Variants in FNBP1 observed in about 807,000 individuals in gnomAD.
FNBP1 encodes formin binding protein 1, also known as formin-binding protein 1.
FNBP1 carries 26 observed loss-of-function variants against 90.6 expected under a neutral mutation model. The ratio of observed to expected loss-of-function variants is 0.29; its 90% confidence interval spans 0.21 to 0.40. FNBP1 has a LOEUF of 0.40. Ranked by LOEUF, FNBP1 falls within the 10% of genes least tolerant of loss-of-function variation. FNBP1 has a pLI of 1.00. For synonymous variants in FNBP1, 260 were observed against 265.2 expected (o/e 0.98, Z 0.19); for missense variants, 635 against 768.0 (o/e 0.83, Z 2.05).
chr9:129,892,947 A>G (rs1482422852), intron 16 of FNBP1, among the ~76,000 whole-genome samples: 1 of 152,192 alleles, frequency 6.6e-6, no homozygotes, highest in Non-Finnish European at 1.5e-5. Context: ...TTAAATTTGA[A>G]TAACGAAATA....
Position 129,890,132 on chromosome 9 carries a change from C to CG in FNBP1, c.*406_*407insC. ...GTCCGCCTGATGTGCGCTGGACCTG[C>CG]CTTGTCTCCTCAGGGGACCCGTGAT... On this transcript the variant is annotated 3_prime_UTR_variant, in exon 17 of 17. Coordinates refer to ENST00000446176, the MANE Select transcript of FNBP1 (RefSeq NM_015033.3). The surrounding 1 kb of genome is among the most constrained non-coding windows in gnomAD (Gnocchi z 5.8). 3.1e-6 allele frequency: 1 copy of CG among 325,942 alleles called. No homozygotes were observed. Among genetic ancestry groups the CG allele is most frequent in the Non-Finnish European group, 5.7e-6 (1 of 175,314 alleles). The allele number at this position is 325,942 out of a possible 1,614,324, so 20.2% of individuals were successfully genotyped here.
chr9:129,966,878 C>T lies in FNBP1; in HGVS notation c.346-8325G>A, dbSNP rs1037493211. ...AAGGGAGAGCTGGTGGTGGCTCTGA[C>T]ATGGAGATGGACAGTTGGACCACTG... is the stretch of plus-strand genomic sequence containing the variant. On this transcript the variant is annotated intron_variant, in intron 4 of 16. Coordinates refer to ENST00000446176, the MANE Select transcript of FNBP1 (RefSeq NM_015033.3). The surrounding 1 kb of genome is among the most constrained non-coding windows in gnomAD (Gnocchi z 4.3). 6.6e-6 allele frequency among the ~76,000 whole-genome samples: 1 copy of T among 152,150 alleles called. No individual in the cohort carries two copies. Among genetic ancestry groups the T allele is most frequent in the Non-Finnish European group, 1.5e-5 (1 of 68,034 alleles).
At chr9:129,978,744 T>C in intron 3 of FNBP1, 132 bp from the exon 4 acceptor site, 1 of 822,324 alleles carries the variant, frequency 1.2e-6, no homozygotes, top group Non-Finnish European at 1.9e-6. Flanking sequence ...TGAGTATTCA[T>C]TACACATCAA....
intron 6 of FNBP1, among the ~76,000 whole-genome samples, chr9:129,940,001 G>A (rs2044092050): frequency 6.6e-6 from 1 of 152,024 alleles, no homozygotes; most frequent in South Asian, 2.1e-4. Context: ...AGGAGTTCGA[G>A]ACCAGCCTAG....
chr9:130,016,250 T>C (rs1201780085), intron 1 of FNBP1, among the ~76,000 whole-genome samples: 2 of 152,274 alleles, frequency 1.3e-5, no homozygotes, highest in Middle Eastern at 3.4e-3. Flanking sequence ...TGGGAGGTGA[T>C]TAGGTCATGA....
chr9:129,940,295 A>G (rs2044135085), intron 6 of FNBP1, among the ~76,000 whole-genome samples: 1 of 152,208 alleles, frequency 6.6e-6, no homozygotes, highest in East Asian at 1.9e-4. Flanking sequence ...AAGGAATCAT[A>G]AGAAAATAAT....
intron 1 of FNBP1, among the ~76,000 whole-genome samples, chr9:130,003,923 C>CAAAAAAAA (rs545865153): frequency 0.017 from 1,846 of 110,286 alleles, 138 homozygotes; most frequent in African/African-American, 0.04. Flanking sequence ...GACTCCGCCT[C>CAAAAAAAA]AAAAAAAAAA....
intron 6 of FNBP1, among the ~76,000 whole-genome samples, chr9:129,935,485 CTT>C (rs2043289946): frequency 6.6e-6 from 1 of 151,198 alleles, no homozygotes; most frequent in African/African-American, 2.4e-5. Context: ...TTTTTCTTTT[CTT>C]TTCTTTTCTT....
At position 129,979,389 on chromosome 9, in the gene FNBP1, C is replaced by G. The variant is rs1413667619; in HGVS notation, c.141-15G>C. The G allele has an allele frequency of 6.4e-7, 1 of 1,562,788 alleles. No individual in the cohort carries two copies. The highest frequency in any genetic ancestry group is 1.7e-5 in the Admixed American group (1 of 58,888). On this transcript the variant is annotated splice_polypyrimidine_tract_variant and intron_variant, in intron 2 of 16. Coordinates refer to ENST00000446176, the MANE Select transcript of FNBP1 (RefSeq NM_015033.3). ...TTGAAAGATTCCTGAAATAAAAATG[C>G]AGACATGTCAGCTTTATATAGAAAG... is the stretch of plus-strand genomic sequence containing the variant.
intron 1 of FNBP1, among the ~76,000 whole-genome samples, chr9:130,039,770 A>G (rs2059662529): frequency 6.6e-6 from 1 of 152,180 alleles, no homozygotes; most frequent in Non-Finnish European, 1.5e-5. Context: ...TCCCTCTACA[A>G]AGCAGGATGT....
chr9:129,902,237 G>A (rs1336496268), intron 13 of FNBP1, among the ~76,000 whole-genome samples: 4 of 152,084 alleles, frequency 2.6e-5, no homozygotes, highest in Middle Eastern at 3.4e-3. Flanking sequence ...CTGGGATAAC[G>A]GATCGCTCTA....
intron 1 of FNBP1, among the ~76,000 whole-genome samples, chr9:130,032,017 C>T (rs79035011): frequency 0.053 from 8,063 of 152,052 alleles, 227 homozygotes; most frequent in Middle Eastern, 0.095. Flanking sequence ...GTTATAAACA[C>T]TGAGCACTAC....
At position 129,900,334 on chromosome 9, in the gene FNBP1, G is replaced by A; in HGVS notation, c.1550+92C>T. Reference sequence around the variant, plus strand: ...ACAGACATTTTGGCATTGAACAAGTGCCTTATGGTCATTCCAGATTCCAAA... The same window carrying A: ...ACAGACATTTTGGCATTGAACAAGTACCTTATGGTCATTCCAGATTCCAAA... On this transcript the variant is annotated intron_variant, in intron 14 of 16. Coordinates refer to ENST00000446176, the MANE Select transcript of FNBP1 (RefSeq NM_015033.3). The surrounding 1 kb of genome is among the most constrained non-coding windows in gnomAD (Gnocchi z 4.1). 7.5e-7 allele frequency: 1 copy of A among 1,336,776 alleles called. No homozygotes were observed. Among genetic ancestry groups the A allele is most frequent in the Non-Finnish European group, 9.9e-7 (1 of 1,007,336 alleles). The allele number at this position is 1,336,776 out of a possible 1,614,324, so 82.8% of individuals were successfully genotyped here.
At chr9:129,912,396 C>T (rs1323031194) in intron 11 of FNBP1, among the ~76,000 whole-genome samples, 1 of 152,026 alleles carries the variant, frequency 6.6e-6, no homozygotes, top group Non-Finnish European at 1.5e-5. Context: ...CTTCAGAAAT[C>T]AGGAAATCTA....
intron 2 of FNBP1, among the ~76,000 whole-genome samples, chr9:129,989,666 TG>T (rs2052817412): frequency 6.6e-6 from 1 of 152,180 alleles, no homozygotes; most frequent in South Asian, 2.1e-4. Flanking sequence ...GTTATTCAAA[TG>T]AGGCAAAATT....
At position 129,957,445 on chromosome 9, in the gene FNBP1, C is replaced by T. The variant is rs555352093; in HGVS notation, c.428G>A (p.Arg143His). ...QLESSKRRFERDCKEADRAQQ... is the reference protein window; with the variant it reads ...QLESSKRRFEHDCKEADRAQQ... The stretch of plus-strand genomic sequence containing the variant: ...CGCCCTGTCCGCCTCTTTGCAATCG[C>T]GTTCAAATCGCCTTTTACTCTAAAA... Residue 143 changes from arginine (R) to histidine (H), a missense_variant, in exon 6 of 17, where the codon CGC becomes CAC. Arg to His is a conservative substitution (Grantham distance 29, BLOSUM62 0). Coordinates refer to ENST00000446176, the MANE Select transcript of FNBP1 (RefSeq NM_015033.3). The surrounding 1 kb of genome is among the most constrained non-coding windows in gnomAD (Gnocchi z 4.3). 6 of 1,613,376 alleles carry T rather than the reference C, an allele frequency of 3.7e-6. No homozygotes were observed. Among genetic ancestry groups the T allele is most frequent in the African/African-American group, 1.3e-5 (1 of 75,028 alleles).
At chr9:130,017,063 T>C (rs1033128983) in intron 1 of FNBP1, among the ~76,000 whole-genome samples, 1 of 151,980 alleles carries the variant, frequency 6.6e-6, no homozygotes, top group South Asian at 2.1e-4. Flanking sequence ...CTCAGCAACA[T>C]AGCAAGACCC....
chr9:129,919,203 T>C, intron 10 of FNBP1: 1 of 1,303,652 alleles, frequency 7.7e-7, no homozygotes, highest in South Asian at 1.2e-5. Flanking sequence ...TTCCCTATCG[T>C]CCTCTTCATG....
At chr9:130,005,533 G>A (rs2055567234) in intron 1 of FNBP1, among the ~76,000 whole-genome samples, 1 of 151,930 alleles carries the variant, frequency 6.6e-6, no homozygotes, top group Non-Finnish European at 1.5e-5. Flanking sequence ...AGTAGAGATA[G>A]GATTTCACCA....
Sources: allele counts gnomAD v4.1 joint callset (sites outside exome capture counted in the v4.1 genomes callset), GRCh38; gene constraint gnomAD v4.1.1; non-coding constraint Gnocchi (gnomAD v3.1); transcripts MANE v1.5; gene names NCBI Gene and HGNC (gene_info 2026-07-23, HGNC 2026-07-21).